ZNF503: variants seen among roughly 807,000 people sequenced by gnomAD.
ZNF503 encodes the protein NocA-like zinc finger 2.
ZNF503 carries 15 observed loss-of-function variants against 34.4 expected under a neutral mutation model. The ratio of observed to expected loss-of-function variants is 0.44; its 90% CI spans 0.29 to 0.67. The LOEUF (loss-of-function observed/expected upper bound fraction) is 0.67. Ranked by LOEUF, ZNF503 falls within the 30% of genes least tolerant of loss-of-function variation. ZNF503 has a pLI of 0.13. For missense variants in ZNF503, 1,007 were observed against 926.8 expected (o/e 1.09, Z -1.12); for synonymous variants, 580 against 456.8 (o/e 1.27, Z -3.44).
At chr10:75,324,469 C>T in the ZNF503 span, among the ~76,000 whole-genome samples, 175 of 152,184 alleles carry the variant, frequency 1.1e-3, 4 homozygotes, top group East Asian at 0.026. Flanking sequence ...AGCTGGACTA[C>T]AGACACATAC....
the ZNF503 span, among the ~76,000 whole-genome samples, chr10:75,339,985 C>T: frequency 1.3e-5 from 2 of 151,980 alleles, no homozygotes; most frequent in African/African-American, 4.8e-5. Context: ...GGAGGTAAGG[C>T]GAGTGGATTA....
the ZNF503 span, among the ~76,000 whole-genome samples, chr10:75,387,741 G>T: frequency 6.6e-6 from 1 of 152,198 alleles, no homozygotes; most frequent in African/African-American, 2.4e-5. Flanking sequence ...AGGGAGCAGG[G>T]CTGGTGTCCA....
chr10:75,362,452 C>T, the ZNF503 span, among the ~76,000 whole-genome samples: 1 of 152,000 alleles, frequency 6.6e-6, no homozygotes, highest in African/African-American at 2.4e-5. Context: ...CCTTGCTCAC[C>T]CCCAGCCCAC....
the ZNF503 span, among the ~76,000 whole-genome samples, chr10:75,326,124 A>G: frequency 6.6e-6 from 1 of 152,236 alleles, no homozygotes; most frequent in African/African-American, 2.4e-5. Context: ...CCTAACAAAA[A>G]TTGGAATTCC....
downstream of ZNF503, among the ~76,000 whole-genome samples, chr10:75,396,462 G>A (rs1031039608): frequency 3.4e-4 from 52 of 152,160 alleles, no homozygotes; most frequent in African/African-American, 1.2e-3. The surrounding 1 kb of genome is among the most constrained non-coding windows in gnomAD (Gnocchi z 4.4). Context: ...GTGCAACCCG[G>A]GTAAAGGCCC....
At chr10:75,341,281 T>A in the ZNF503 span, among the ~76,000 whole-genome samples, 33 of 152,350 alleles carry the variant, frequency 2.2e-4, no homozygotes, top group Non-Finnish European at 3.7e-4. Context: ...GAAACTATAA[T>A]ATAAACATTG....
chr10:75,350,968 G>A, the ZNF503 span, among the ~76,000 whole-genome samples: 1 of 152,168 alleles, frequency 6.6e-6, no homozygotes, highest in Non-Finnish European at 1.5e-5. Context: ...TCATTTCTTT[G>A]AGCAATGCAT....
chr10:75,381,730 ATG>A, the ZNF503 span, among the ~76,000 whole-genome samples: 1 of 137,340 alleles, frequency 7.3e-6, no homozygotes, highest in South Asian at 2.6e-4. Context: ...TTGTGTGTAT[ATG>A]TGTGTGTGCA....
the ZNF503 span, among the ~76,000 whole-genome samples, chr10:75,392,613 C>T: frequency 6.6e-6 from 1 of 152,096 alleles, no homozygotes; most frequent in Non-Finnish European, 1.5e-5. Context: ...GATTTGAACT[C>T]TGAAGATTGG....
In ZNF503 at chr10:75,399,355, C is replaced by T; in HGVS notation, c.1335G>A (p.Ala445=). 10 of 1,604,758 alleles carry T rather than the reference C, an allele frequency of 6.2e-6. No individual in the cohort carries two copies. Among genetic ancestry groups the T allele is most frequent in the Non-Finnish European group, 8.5e-6 (10 of 1,177,842 alleles). Residue 445 remains alanine, a synonymous_variant, in exon 2 of 2, where the codon GCG becomes GCA. Transcript: ENST00000372524. ...YHCASHLAGA[A]AASASCAHDP... is the part of the protein sequence containing the mutation. The stretch of plus-strand genomic sequence containing the variant: ...CATGTGCGCAAGAAGCGCTGGCGGC[C>T]GCCGCCCCTGCCAGGTGGCTAGCGC...
chr10:75,399,944 G>A lies in ZNF503; in HGVS notation c.746C>T (p.Pro249Leu), dbSNP rs140203659. Residue 249 changes from proline (P) to leucine (L), a missense_variant, in exon 2 of 2, where the codon CCG (proline) becomes CTG (leucine). Pro to Leu is a moderately conservative substitution (Grantham distance 98). Transcript: ENST00000372524. Reference protein sequence around the residue: ...GGMLSSAGGAPEGKDDKKDTD... With the variant: ...GGMLSSAGGALEGKDDKKDTD... ...GTCTTTCTTGTCGTCCTTGCCCTCC[G>A]GGGCACCCCCGGCCGAGGACAGCAT... The A allele has an allele frequency of 1.7e-5, 28 of 1,606,374 alleles. No homozygotes were observed. In the African/African-American group the frequency reaches 2.0e-4, roughly 11 times the overall value.
At chr10:75,314,859 A>T in the ZNF503 span, among the ~76,000 whole-genome samples, 1 of 152,238 alleles carries the variant, frequency 6.6e-6, no homozygotes, top group African/African-American at 2.4e-5. Context: ...GAGGGAGTTT[A>T]TTACTACCAG....
At chr10:75,314,579 C>T in the ZNF503 span, among the ~76,000 whole-genome samples, 2 of 152,070 alleles carry the variant, frequency 1.3e-5, no homozygotes, top group Admixed American at 1.3e-4. Flanking sequence ...CTAACATTCA[C>T]ATTATGGGAG....
At position 75,400,213 on chromosome 10, in the gene ZNF503, C is replaced by A; in HGVS notation, c.477G>T (p.Ser159=). The A allele has an allele frequency of 6.2e-7, 1 of 1,605,324 alleles. No individual in the cohort carries two copies. The highest frequency in any genetic ancestry group is 8.5e-7 in the Non-Finnish European group (1 of 1,177,098). ...GGAAGDKDTK[S]GPLKLSDIGV... is the part of the protein sequence containing the mutation. ...CGATGTCGCTCAGCTTCAGGGGGCC[C>A]GATTTGGTGTCCTTGTCGCCCGCAG... Residue 159 remains serine (S), a synonymous_variant, in exon 2 of 2, where the codon TCG becomes TCT. Transcript: ENST00000372524.
rs1384653057 is a variant in ZNF503 at position 75,401,338 on chromosome 10, C to T, written c.82G>A (p.Ala28Thr). The T allele has an allele frequency of 1.2e-5, 18 of 1,537,914 alleles. No individual in the cohort carries two copies. In the Middle Eastern group the frequency reaches 5.4e-4, roughly 46 times the overall value. Reference protein sequence around the residue: ...GGGGGGGGGGADPAWTSALSG... With the variant: ...GGGGGGGGGGTDPAWTSALSG... ...AGCGCGCTGGTCCAGGCAGGGTCTG[C>T]ACCGCCGCCTCCGCCTCCGCCGCCG... Residue 28 changes from alanine to threonine, a missense_variant, in exon 1 of 2, where the codon GCA (alanine) becomes ACA (threonine). Transcript: ENST00000372524.
Position 75,398,875 on chromosome 10 carries a change from G to T in ZNF503, c.1815C>A (p.Tyr605Ter). The change falls in exon 2 of 2, where the codon TAC becomes TAA. Residue 605 changes from tyrosine to a stop codon, truncating the protein, a stop_gained. Transcript: ENST00000372524. LOFTEE classifies it high-confidence loss of function. ...ALGLSSRYHPYSKSPLPTPGA... is the reference protein window; with the variant it reads ...ALGLSSRYHP ...CAGGCGTGGGAAGCGGGCTCTTGGA[G>T]TAGGGGTGGTAGCGGCTGCTGAGTC... 1 of 1,528,508 alleles carries T rather than the reference G, an allele frequency of 6.5e-7. No individual in the cohort carries two copies. 94.7% of individuals were successfully genotyped at this position (1,528,508 alleles called of 1,614,324 possible).
the ZNF503 span, among the ~76,000 whole-genome samples, chr10:75,359,955 T>C: frequency 6.6e-5 from 10 of 152,024 alleles, no homozygotes; most frequent in African/African-American, 2.4e-4. Flanking sequence ...TGCCCTGCAA[T>C]GAGAAGCTCT....
At chr10:75,294,646 C>T in the ZNF503 span, among the ~76,000 whole-genome samples, 22 of 151,426 alleles carry the variant, frequency 1.5e-4, no homozygotes, top group African/African-American at 5.3e-4. Flanking sequence ...TGAAGGCAGT[C>T]GCCCAAGGGC....
the ZNF503 span, among the ~76,000 whole-genome samples, chr10:75,360,460 G>A: frequency 2.0e-5 from 3 of 151,948 alleles, no homozygotes; most frequent in Non-Finnish European, 2.9e-5. Context: ...GCACTTGTGC[G>A]ACTCTGAGAG....
Sources: allele counts gnomAD v4.1 joint callset (sites outside exome capture counted in the v4.1 genomes callset), GRCh38; gene constraint gnomAD v4.1.1; non-coding constraint Gnocchi (gnomAD v3.1); transcripts MANE v1.5; gene names NCBI Gene and HGNC (gene_info 2026-07-23, HGNC 2026-07-21).